Variants in YAF2 observed in about 807,000 individuals in gnomAD.
YAF2 encodes the protein YY1-associated factor 2.
In YAF2, 7 loss-of-function variants were observed where a neutral mutation model predicts 20.1. The ratio of observed to expected loss-of-function variants is 0.35; its 90% CI spans 0.20 to 0.65. The LOEUF (loss-of-function observed/expected upper bound fraction) is 0.65. Among genes scored for constraint, YAF2 ranks in the 30% least tolerant of loss-of-function variants. The probability of loss-of-function intolerance (pLI) is 0.69; values close to 1 mark genes in which losing one functional copy is unlikely to be tolerated. For missense variants in YAF2, 151 were observed against 219.2 expected, an observed-to-expected ratio of 0.69 and a Z score of 1.96; for synonymous variants, 74 against 76.0, an observed-to-expected ratio of 0.97 and a Z score of 0.14.
intron 2 of YAF2, chr12:42,199,055 T>G (rs1181215037): frequency 1.4e-6 from 1 of 719,154 alleles, no homozygotes; most frequent in African/African-American, 1.9e-5. Context: ...AATTTAATAT[T>G]GTTTGTTCCT....
intron 2 of YAF2, among the ~76,000 whole-genome samples, chr12:42,182,268 T>C (rs2066363045): frequency 6.6e-6 from 1 of 152,202 alleles, no homozygotes. Context: ...TAACATATGA[T>C]GTGGCCGGGT....
At chr12:42,171,656 CA>C (rs1295568252) in intron 2 of YAF2, among the ~76,000 whole-genome samples, 3 of 152,060 alleles carry the variant, frequency 2.0e-5, no homozygotes, top group Non-Finnish European at 4.4e-5. Context: ...TTTCTCATTA[CA>C]AAAATCTCAT....
chr12:42,200,247 C>T (rs2066862756), intron 2 of YAF2, among the ~76,000 whole-genome samples: 1 of 152,160 alleles, frequency 6.6e-6, no homozygotes, highest in Non-Finnish European at 1.5e-5. Context: ...TCCTCCTTCT[C>T]CTATTTGTAT....
At position 42,230,477 on chromosome 12, in the gene YAF2, A is replaced by AT. The variant is rs533333280; in HGVS notation, c.152+7121dup. On this transcript the variant is annotated intron_variant, in intron 2 of 3. Coordinates refer to ENST00000534854, the MANE Select transcript of YAF2 (RefSeq NM_005748.6). ...ATTCAGCAGCCACTAATAGGACTCA[A>AT]TTTTTTTTTTAAATATACAGGGACC... Among the ~76,000 whole-genome samples the AT allele has an allele frequency of 3.5e-4, 52 of 150,688 alleles. No individual in the cohort carries two copies. The South Asian group carries it at 8.8e-3, about 26-fold the overall frequency.
intron 2 of YAF2, chr12:42,231,105 GT>G (rs1425644541): frequency 6.6e-6 from 1 of 152,034 alleles, no homozygotes; most frequent in African/African-American, 2.4e-5. Flanking sequence ...AAATTTAAGA[GT>G]TTTTGTTTTT....
At chr12:42,200,030 T>G (rs2066857564) in intron 2 of YAF2, among the ~76,000 whole-genome samples, 1 of 152,186 alleles carries the variant, frequency 6.6e-6, no homozygotes, top group Non-Finnish European at 1.5e-5. Context: ...GAGAGTGACA[T>G]CTGAAAGTGC....
At chr12:42,186,294 C>T (rs2066472784) in intron 2 of YAF2, among the ~76,000 whole-genome samples, 1 of 150,876 alleles carries the variant, frequency 6.6e-6, no homozygotes, top group Non-Finnish European at 1.5e-5. Context: ...GCGGAGGTTA[C>T]AGTGAGTCAA....
chr12:42,160,595 A>G lies in YAF2; in HGVS notation c.537T>C (p.Ser179=). 1 of 1,611,670 alleles carries G rather than the reference A, an allele frequency of 6.2e-7. No homozygotes were observed. Among genetic ancestry groups the G allele is most frequent in the South Asian group, 1.1e-5 (1 of 90,794 alleles). The change falls in exon 4 of 4, where the codon TCT becomes TCC. Residue 179 remains serine, a synonymous_variant. Transcript: ENST00000534854. ...AAATTGGAGAAAATAAACTTTAATG[A>G]GATTCTCCATTCAATGATGAGGCTT... is the stretch of plus-strand genomic sequence containing the variant. The part of the protein sequence containing the change: ...RGEASSLNGE[S]H
At chr12:42,226,681 A>G (rs1453549740) in intron 2 of YAF2, among the ~76,000 whole-genome samples, 4 of 152,208 alleles carry the variant, frequency 2.6e-5, no homozygotes, top group Non-Finnish European at 5.9e-5. Flanking sequence ...AAATAAATAA[A>G]TAATGCTAAA....
intron 2 of YAF2, among the ~76,000 whole-genome samples, chr12:42,189,371 T>C (rs1331131246): frequency 1.3e-5 from 2 of 152,180 alleles, no homozygotes; most frequent in African/African-American, 2.4e-5. Context: ...TCAATCTTTA[T>C]TAGGATTTTT....
At chr12:42,206,735 T>C (rs2067054959) in intron 2 of YAF2, among the ~76,000 whole-genome samples, 1 of 152,198 alleles carries the variant, frequency 6.6e-6, no homozygotes, top group African/African-American at 2.4e-5. Context: ...GGAATTCTCT[T>C]GGCTGCTATT....
At chr12:42,203,411 T>C (rs1410669684) in intron 2 of YAF2, among the ~76,000 whole-genome samples, 1 of 152,198 alleles carries the variant, frequency 6.6e-6, no homozygotes, top group South Asian at 2.1e-4. Flanking sequence ...TCCTTTCCAA[T>C]CCTTTTGGAT....
chr12:42,163,498 C>T (rs1464342484), intron 2 of YAF2, among the ~76,000 whole-genome samples: 2 of 152,104 alleles, frequency 1.3e-5, no homozygotes, highest in African/African-American at 4.8e-5. Context: ...TATTTTCTAA[C>T]CATCAACAAA....
intron 2 of YAF2, among the ~76,000 whole-genome samples, chr12:42,181,506 C>G (rs1266750769): frequency 6.6e-6 from 1 of 152,230 alleles, no homozygotes; most frequent in Non-Finnish European, 1.5e-5. Flanking sequence ...GAACAGCTTA[C>G]TGCAGTATTC....
Position 42,161,704 on chromosome 12 carries a change from T to C in YAF2, c.214A>G (p.Thr72Ala), listed in dbSNP as rs745715886. 9 of 1,610,794 alleles carry C rather than the reference T, an allele frequency of 5.6e-6. No individual in the cohort carries two copies. Among genetic ancestry groups the C allele is most frequent in the South Asian group, 1.1e-5 (1 of 89,982 alleles). Residue 72 changes from threonine (T) to alanine (A), a missense_variant, in exon 3 of 4, where the codon ACA becomes GCA. By Grantham distance (58) the Thr-to-Ala change is moderately conservative. Coordinates refer to ENST00000534854, the MANE Select transcript of YAF2 (RefSeq NM_005748.6). ...TCTTTTTTCTCTTTCTTTGACTGTG[T>C]AGGAGGCACAAACTGCTGAGTAACC... ...QQVTQQFVPP[T>A]QSKKEKKDKV...
rs2065951850 is a variant in YAF2 at position 42,167,843 on chromosome 12, A to G, written c.153-6078T>C. ...CAACATGGCAAAACCCTGTCTCTAT[A>G]AAGTTACTCAGGAGTGGTGACGCAG... On this transcript the variant is annotated intron_variant, in intron 2 of 3. Coordinates refer to ENST00000534854, the MANE Select transcript of YAF2 (RefSeq NM_005748.6). Among the ~76,000 whole-genome samples, 4 of 152,230 alleles carry G rather than the reference A, an allele frequency of 2.6e-5. No individual in the cohort carries two copies. In the South Asian group the frequency reaches 8.3e-4, roughly 32 times the overall value.
intron 2 of YAF2, among the ~76,000 whole-genome samples, chr12:42,163,660 G>A (rs972923201): frequency 2.0e-5 from 3 of 151,926 alleles, no homozygotes; most frequent in Non-Finnish European, 4.4e-5. Context: ...TTATGATTTT[G>A]TACCTCAATT....
intron 2 of YAF2, among the ~76,000 whole-genome samples, chr12:42,223,925 T>A (rs1592042545): frequency 6.6e-6 from 1 of 151,964 alleles, no homozygotes; most frequent in Non-Finnish European, 1.5e-5. Flanking sequence ...ACCTAATGCA[T>A]GCAGGTCTTA....
At chr12:42,195,747 T>TG in intron 2 of YAF2, among the ~76,000 whole-genome samples, 1 of 152,226 alleles carries the variant, frequency 6.6e-6, no homozygotes, top group African/African-American at 2.4e-5. Flanking sequence ...GAACCAGTCA[T>TG]GGTGTGTTGA....
Sources: gnomAD v4.1 joint callset for allele counts (sites outside exome capture counted in the v4.1 genomes callset) on GRCh38, gnomAD v4.1.1 for gene constraint, MANE v1.5 for transcripts, NCBI Gene and HGNC (gene_info 2026-07-23, HGNC 2026-07-21) for gene names.